The following ZNF639 variants were observed in gnomAD, a reference collection of about 807,000 sequenced individuals.
ZNF639 encodes the protein zinc finger amplified in esophageal squamous cell carcinomas 1.
A neutral mutation model predicts 39.8 loss-of-function variants in ZNF639; 20 were observed. The ratio of observed to expected loss-of-function variants is 0.50; its 90% CI spans 0.35 to 0.73. ZNF639 has a LOEUF of 0.73. Among genes scored for constraint, ZNF639 ranks in the 30% least tolerant of loss-of-function variants. The pLI is 0.00. For missense variants in ZNF639, 477 were observed against 566.2 expected, an observed-to-expected ratio of 0.84 and a Z score of 1.60; for synonymous variants, 176 against 189.8, an observed-to-expected ratio of 0.93 and a Z score of 0.60.
At chr3:179,323,472 C>A (rs1246877186) in intron 1 of ZNF639, among the ~76,000 whole-genome samples, 181 bp downstream of exon 1, 1 of 152,190 alleles carries the variant, frequency 6.6e-6, no homozygotes, top group Non-Finnish European at 1.5e-5. Context: ...CAGTTCCACC[C>A]CCTGCGCAGG....
chr3:179,328,168 T>C, intron 2 of ZNF639, 115 bp from the exon 3 acceptor site: 1 of 580,808 alleles, frequency 1.7e-6, no homozygotes, highest in Non-Finnish European at 3.0e-6. Flanking sequence ...ATACCATAGA[T>C]TTTCAGGTGG....
chr3:179,333,220 C>T (rs111478288), intron 5 of ZNF639, 49 bp from the exon 6 acceptor site: 45 of 1,558,566 alleles, frequency 2.9e-5, no homozygotes, highest in Admixed American at 1.2e-4. Flanking sequence ...TTGTATTTAA[C>T]AGATCTTATT....
chr3:179,325,043 CAG>C (rs1402521178), intron 1 of ZNF639: 3 of 152,062 alleles, frequency 2.0e-5, no homozygotes, highest in Middle Eastern at 3.2e-3. Flanking sequence ...CTTTTTTAGA[CAG>C]AGTTTCACTC....
At position 179,334,396 on chromosome 3, in the gene ZNF639, C is replaced by A; in HGVS notation, c.1432C>A (p.His478Asn). The A allele has an allele frequency of 6.4e-7, 1 of 1,567,158 alleles. No homozygotes were observed. The highest frequency in any genetic ancestry group is 1.2e-5 in the South Asian group (1 of 82,516). The change falls in exon 6 of 6, where the codon CAC (histidine) becomes AAC (asparagine). Residue 478 changes from histidine to asparagine, a missense_variant. By Grantham distance (68) the His-to-Asn change is moderately conservative (BLOSUM62 1). Coordinates refer to ENST00000496856, the MANE Select transcript of ZNF639 (RefSeq NM_001303426.2). The stretch of plus-strand genomic sequence containing the variant: ...TGGAAATGAAAGGGAATTAATAAGT[C>A]ACCTTCCAGTCCATGAGACAACTTG... ...RFGNERELIS[H>N]LPVHETT is the part of the protein sequence containing the mutation.
chr3:179,330,121 C>G (rs1727826264), intron 4 of ZNF639: 1 of 154,762 alleles, frequency 6.5e-6, no homozygotes, highest in African/African-American at 2.4e-5. Context: ...CCATGTTGGT[C>G]AGGCTGGTCT....
chr3:179,323,093 AG>A lies in ZNF639; in HGVS notation c.-277del. The stretch of plus-strand genomic sequence containing the variant: ...GCAGTGCGGCCGCGGAGCCTAGGCC[AG>A]GGGCCTGGCGCTCAGGGCGTGGGGC... On this transcript the variant is annotated 5_prime_UTR_variant, in exon 1 of 6. Coordinates refer to ENST00000496856, the MANE Select transcript of ZNF639 (RefSeq NM_001303426.2). 1.0e-6 allele frequency: 1 copy of A among 984,788 alleles called. No individual in the cohort carries two copies. The highest frequency in any genetic ancestry group is 1.2e-6 in the Non-Finnish European group (1 of 829,946). The allele number at this position is 984,788 out of a possible 1,614,324, so 61.0% of individuals were successfully genotyped here. A position where few individuals can be genotyped will look rare whatever the true frequency, so the allele number is the denominator to read the frequency against.
rs370241661 is a variant in ZNF639, at chr3:179,334,414, A to G, written c.1450A>G (p.Thr484Ala). The change falls in exon 6 of 6, where the codon ACA becomes GCA. Residue 484 changes from threonine to alanine, a missense_variant. Transcript: ENST00000496856. ...ELISHLPVHE[T>A]T Reference sequence around the variant, plus strand: ...AATAAGTCACCTTCCAGTCCATGAGACAACTTGATTATTCTCTTTAACTTA... The same window carrying G: ...AATAAGTCACCTTCCAGTCCATGAGGCAACTTGATTATTCTCTTTAACTTA... 9.1e-6 allele frequency: 14 copies of G among 1,533,100 alleles called. No individual in the cohort carries two copies. Among genetic ancestry groups the G allele is most frequent in the East Asian group, 2.3e-5 (1 of 43,978 alleles). The allele number at this position is 1,533,100 out of a possible 1,614,324, so 95.0% of individuals were successfully genotyped here. A position where few individuals can be genotyped will look rare whatever the true frequency, so the allele number is the denominator to read the frequency against.
chr3:179,332,986 C>A lies in ZNF639; in HGVS notation c.170-3C>A, dbSNP rs1281279432. 1.9e-6 allele frequency: 3 copies of A among 1,541,378 alleles called. No homozygotes were observed. The South Asian group carries it at 3.7e-5, about 19-fold the overall frequency. Reference sequence around the variant, plus strand: ...AAGTATTCTTCCAAATCCCTTTTTACAGATGATGATTCTGATACCGAGACG... The same window carrying A: ...AAGTATTCTTCCAAATCCCTTTTTAAAGATGATGATTCTGATACCGAGACG... On this transcript the variant is annotated splice_region_variant and splice_polypyrimidine_tract_variant and intron_variant, in intron 4 of 5. Coordinates refer to ENST00000496856, the MANE Select transcript of ZNF639 (RefSeq NM_001303426.2).
At chr3:179,328,423 C>A in intron 3 of ZNF639, 72 bp downstream of exon 3, 2 of 1,106,820 alleles carry the variant, frequency 1.8e-6, no homozygotes, top group South Asian at 3.0e-5. Context: ...CCATTTTCTC[C>A]TAAGTGATCA....
At chr3:179,328,107 A>T in intron 2 of ZNF639, 176 bp from the exon 3 acceptor site, 1 of 439,134 alleles carries the variant, frequency 2.3e-6, no homozygotes, top group Non-Finnish European at 4.0e-6. Context: ...TTGAAACCTG[A>T]CTGGAAAACA....
At position 179,328,774 on chromosome 3, in the gene ZNF639, A is replaced by ATTTT. The variant is rs35129479; in HGVS notation, c.58+439_58+442dup. On this transcript the variant is annotated intron_variant, in intron 3 of 5. Coordinates refer to ENST00000496856, the MANE Select transcript of ZNF639 (RefSeq NM_001303426.2). Reference sequence around the variant, plus strand: ...TGTAAACTTTCATGCTGAATGTGTAATTTTTTTTTTTTTTTTTTTGAGACA... The same window carrying ATTTT: ...TGTAAACTTTCATGCTGAATGTGTAATTTTTTTTTTTTTTTTTTTTTTTGAGACA... Among the ~76,000 whole-genome samples the ATTTT allele has an allele frequency of 7.4e-3, 1,001 of 135,478 alleles. 20 individuals carry two copies. The highest frequency in any genetic ancestry group is 0.026 in the African/African-American group (960 of 36,486). The allele number at this position is 135,478 out of a possible 152,430, so 88.9% of individuals were successfully genotyped here.
chr3:179,334,501 G>A lies in ZNF639; in HGVS notation c.*79G>A. On this transcript the variant is annotated 3_prime_UTR_variant, in exon 6 of 6. Transcript: ENST00000496856. ...TTTGGAGATGATTAAATGGATGATT[G>A]TAAACACAACTTATGAAATCTGCCT... The A allele has an allele frequency of 8.8e-7, 1 of 1,131,284 alleles. No homozygotes were observed. Among genetic ancestry groups the A allele is most frequent in the Non-Finnish European group, 1.2e-6 (1 of 835,458 alleles). 70.1% of individuals were successfully genotyped at this position (1,131,284 alleles called of 1,614,324 possible).
intron 4 of ZNF639, 66 bp from the exon 5 acceptor site, chr3:179,332,923 C>T (rs2108505367): frequency 6.9e-7 from 1 of 1,444,492 alleles, no homozygotes; most frequent in Non-Finnish European, 9.1e-7. Context: ...AAAATTGATG[C>T]TTTGTTCTAT....
At chr3:179,329,968 A>G in intron 4 of ZNF639, 1 of 236,370 alleles carries the variant, frequency 4.2e-6, no homozygotes, top group Non-Finnish European at 7.9e-6. Flanking sequence ...GCTGGAGTGC[A>G]GCAGCGCGAT....
In ZNF639 at chr3:179,328,910, GGAT is replaced by G. The variant is rs1419930178; in HGVS notation, c.58+560_58+562del. Reference sequence around the variant, plus strand: ...CCTGCCTCAGCCTCCCAAGTAGCTGGGATTACAGGCGTGTACCGCCACACCTGG... The same window carrying G: ...CCTGCCTCAGCCTCCCAAGTAGCTGGTACAGGCGTGTACCGCCACACCTGG... On this transcript the variant is annotated intron_variant, in intron 3 of 5. Coordinates refer to ENST00000496856, the MANE Select transcript of ZNF639 (RefSeq NM_001303426.2). Among the ~76,000 whole-genome samples the G allele has an allele frequency of 7.9e-5, 12 of 151,906 alleles. No individual in the cohort carries two copies. The South Asian group carries it at 1.0e-3, about 13-fold the overall frequency.
intron 4 of ZNF639, among the ~76,000 whole-genome samples, chr3:179,331,637 T>A (rs113936201): frequency 0.038 from 5,720 of 151,690 alleles, 336 homozygotes; most frequent in African/African-American, 0.13. Flanking sequence ...TAGCTGGGCG[T>A]GGTGGTGCGT....
chr3:179,334,006 A>G lies in ZNF639; in HGVS notation c.1042A>G (p.Ser348Gly), dbSNP rs1365210128. 2.5e-6 allele frequency: 4 copies of G among 1,614,102 alleles called. No homozygotes were observed. The East Asian group carries it at 8.9e-5, about 36-fold the overall frequency. ...GCATGCATGTAAATTAATAGAGTTA[A>G]GTGATAAGTATAACAATGGTGAACA... ...NEHACKLIEL[S>G]DKYNNGEHGQ... The change falls in exon 6 of 6, where the codon AGT becomes GGT. Residue 348 changes from serine (S) to glycine (G), a missense_variant. Physicochemically the swap from Ser to Gly is moderately conservative, Grantham distance 56. Coordinates refer to ENST00000496856, the MANE Select transcript of ZNF639 (RefSeq NM_001303426.2).
intron 4 of ZNF639, among the ~76,000 whole-genome samples, chr3:179,332,172 G>A (rs996104723): frequency 6.6e-6 from 1 of 152,172 alleles, no homozygotes; most frequent in Non-Finnish European, 1.5e-5. Flanking sequence ...TTATTAATAA[G>A]TTACCAGTAT....
intron 1 of ZNF639, among the ~76,000 whole-genome samples, chr3:179,324,623 C>G (rs972807741): frequency 1.3e-5 from 2 of 152,172 alleles, no homozygotes; most frequent in African/African-American, 4.8e-5. Flanking sequence ...GAAAGGAAGT[C>G]CGATAGACAT....
Sources: gnomAD v4.1 joint callset for allele counts (sites outside exome capture counted in the v4.1 genomes callset) on GRCh38, gnomAD v4.1.1 for gene constraint, MANE v1.5 for transcripts, NCBI Gene and HGNC (gene_info 2026-07-23, HGNC 2026-07-21) for gene names.